The following STK4 variants were observed in gnomAD, a reference collection of about 807,000 sequenced individuals.
STK4 encodes serine/threonine kinase 4.
In STK4, 30 loss-of-function variants were observed where a neutral mutation model predicts 64.9. The ratio of observed to expected loss-of-function variants is 0.46; its 90% CI spans 0.35 to 0.63. The LOEUF is 0.63. Among genes scored for constraint, STK4 ranks in the 20% least tolerant of loss-of-function variants. The pLI, the probability that STK4 is intolerant of heterozygous loss-of-function variation, is 0.01. For synonymous variants in STK4, 177 were observed against 199.0 expected, an observed-to-expected ratio of 0.89 and a Z score of 0.93; for missense variants, 466 against 598.5, an observed-to-expected ratio of 0.78 and a Z score of 2.31.
chr20:45,031,628 A>G (rs998326550), intron 10 of STK4, among the ~76,000 whole-genome samples: 1 of 152,094 alleles, frequency 6.6e-6, no homozygotes, highest in South Asian at 2.1e-4. Context: ...GAGGCCAAGC[A>G]TGGTGGCTCA....
intron 10 of STK4, among the ~76,000 whole-genome samples, chr20:45,074,371 T>A (rs1476726260): frequency 1.3e-5 from 2 of 152,220 alleles, no homozygotes; most frequent in Non-Finnish European, 2.9e-5. Flanking sequence ...CTCAGAAGTT[T>A]GAGGTTTTTC....
chr20:45,011,733 T>TATATAAA (rs1568719803), intron 9 of STK4, among the ~76,000 whole-genome samples: 1 of 87,748 alleles, frequency 1.1e-5, no homozygotes, highest in African/African-American at 5.0e-5. Context: ...ATATATATTT[T>TATATAAA]TTTTTTTTTT....
chr20:45,039,506 T>G (rs2068579431), intron 10 of STK4, among the ~76,000 whole-genome samples: 1 of 152,118 alleles, frequency 6.6e-6, no homozygotes, highest in African/African-American at 2.4e-5. Context: ...GACTCACTTT[T>G]TTCATTTCTG....
intron 2 of STK4, among the ~76,000 whole-genome samples, chr20:44,977,552 A>G (rs980787880): frequency 3.6e-4 from 55 of 152,196 alleles, no homozygotes; most frequent in African/African-American, 1.3e-3. Flanking sequence ...ATACCATCAC[A>G]TCTTGTAAGG....
intron 10 of STK4, among the ~76,000 whole-genome samples, chr20:45,063,556 T>C (rs1254700308): frequency 1.3e-5 from 2 of 152,206 alleles, no homozygotes; most frequent in Non-Finnish European, 2.9e-5. Context: ...TTTACTCCCT[T>C]GATAGTTTAC....
In STK4 at chr20:45,075,920, A is replaced by G. The variant is rs1389400439; in HGVS notation, c.*744A>G. 6.5e-6 allele frequency: 1 copy of G among 152,702 alleles called. No individual in the cohort carries two copies. Among genetic ancestry groups the G allele is most frequent in the Non-Finnish European group, 1.5e-5 (1 of 68,100 alleles). 9.5% of individuals were successfully genotyped at this position (152,702 alleles called of 1,614,324 possible). On this transcript the variant is annotated 3_prime_UTR_variant, in exon 11 of 11. Coordinates refer to ENST00000372806, the MANE Select transcript of STK4 (RefSeq NM_006282.5). The stretch of plus-strand genomic sequence containing the variant: ...GGCCTTTGCTCTTTCAATGCCTTTC[A>G]TCCATCTCCACTCTCTCAACTGCCT...
chr20:45,049,253 C>CT (rs1568754548), intron 10 of STK4, among the ~76,000 whole-genome samples: 1 of 152,122 alleles, frequency 6.6e-6, no homozygotes, highest in African/African-American at 2.4e-5. Flanking sequence ...TTGCCCTTTA[C>CT]TTAGGAGAAA....
chr20:45,053,264 T>A, intron 10 of STK4: 2 of 1,151,126 alleles, frequency 1.7e-6, no homozygotes, highest in Non-Finnish European at 2.5e-6. Flanking sequence ...GCTGGGTTTT[T>A]AACTCAGTTA....
intron 9 of STK4, among the ~76,000 whole-genome samples, chr20:45,013,054 C>T (rs2145351580): frequency 6.7e-6 from 1 of 148,688 alleles, no homozygotes; most frequent in African/African-American, 2.5e-5. Context: ...CTTCCTCAAC[C>T]TCCCAAAGTA....
intron 7 of STK4, among the ~76,000 whole-genome samples, chr20:44,997,518 C>G (rs2067756879): frequency 6.6e-6 from 1 of 152,146 alleles, no homozygotes; most frequent in Non-Finnish European, 1.5e-5. Flanking sequence ...GAAACCATGT[C>G]TCTACAAAAA....
chr20:45,011,725 ATATATTTT>A (rs2068049454), intron 9 of STK4, among the ~76,000 whole-genome samples: 2 of 106,998 alleles, frequency 1.9e-5, no homozygotes, highest in Admixed American at 1.7e-4. Flanking sequence ...ATATATATAT[ATATATTTT>A]TTTTTTTTTT....
chr20:45,059,086 T>C (rs986244956), intron 10 of STK4, among the ~76,000 whole-genome samples: 1 of 152,200 alleles, frequency 6.6e-6, no homozygotes, highest in African/African-American at 2.4e-5. Flanking sequence ...CTGAACCCCA[T>C]TGCCATCAGT....
chr20:45,064,759 G>A (rs1979421054), intron 10 of STK4, among the ~76,000 whole-genome samples: 1 of 152,050 alleles, frequency 6.6e-6, no homozygotes, highest in South Asian at 2.1e-4. Context: ...TTGGACATTG[G>A]TATATAACAA....
chr20:45,055,573 G>C (rs577721772), intron 10 of STK4, among the ~76,000 whole-genome samples: 1 of 151,292 alleles, frequency 6.6e-6, no homozygotes, highest in Admixed American at 6.6e-5. Flanking sequence ...GTTGATCCTT[G>C]CTACTGCACA....
chr20:44,985,310 G>T (rs2067512968), intron 4 of STK4, among the ~76,000 whole-genome samples: 1 of 152,164 alleles, frequency 6.6e-6, no homozygotes, highest in South Asian at 2.1e-4. Context: ...ATAGTGCTTA[G>T]CATGGATTAA....
chr20:45,030,288 T>C (rs909882368), intron 10 of STK4, among the ~76,000 whole-genome samples: 3 of 152,108 alleles, frequency 2.0e-5, no homozygotes, highest in African/African-American at 7.2e-5. Flanking sequence ...GTATTTTTAG[T>C]AGAGACAGGG....
At chr20:45,025,728 A>G (rs1402327011) in intron 10 of STK4, among the ~76,000 whole-genome samples, 2 of 152,122 alleles carry the variant, frequency 1.3e-5, no homozygotes, top group East Asian at 3.9e-4. Context: ...AGGAGTCTGC[A>G]TTTTCTTCTT....
intron 4 of STK4, among the ~76,000 whole-genome samples, chr20:44,984,186 G>GTTTTTTTTTTTTTTTTTTTTTT (rs11397664): frequency 1.7e-4 from 13 of 76,048 alleles, no homozygotes; most frequent in Admixed American, 2.0e-4. Context: ...TGTTGTCGTT[G>GTTTTTTTTTTTTTTTTTTTTTT]TTTTTTTTTT....
In STK4 at chr20:44,981,829, C is replaced by T. The variant is rs368631495; in HGVS notation, c.246C>T (p.Ser82=). 8.8e-6 allele frequency: 14 copies of T among 1,582,670 alleles called. No homozygotes were observed. The highest frequency in any genetic ancestry group is 1.3e-5 in the African/African-American group (1 of 74,288). Residue 82 remains serine (S), a splice_region_variant and synonymous_variant, in exon 4 of 11, where the codon AGC becomes AGT. Coordinates refer to ENST00000372806, the MANE Select transcript of STK4 (RefSeq NM_006282.5). The stretch of plus-strand genomic sequence containing the variant: ...ATTTGTATTGTCTCTCTCTCTCTAG[C>T]CCTCATGTAGTCAAATATTATGGCA... ...KEISIMQQCD[S]PHVVKYYGSY...
Sources: gnomAD v4.1 joint callset for allele counts (sites outside exome capture counted in the v4.1 genomes callset) on GRCh38, gnomAD v4.1.1 for gene constraint, MANE v1.5 for transcripts, NCBI Gene and HGNC (gene_info 2026-07-23, HGNC 2026-07-21) for gene names.